The following EFNA3 variants were observed in gnomAD, a reference collection of about 807,000 sequenced individuals.
The protein encoded by EFNA3 is ephrin-A3.
A neutral mutation model predicts 25.0 loss-of-function variants in EFNA3; 15 were observed. That is an observed-to-expected ratio of 0.60 (90% CI 0.40 to 0.92). The LOEUF (loss-of-function observed/expected upper bound fraction) is 0.92, where lower values mean the gene tolerates loss of function less well. Among genes scored for constraint, EFNA3 ranks in the 40% least tolerant of loss-of-function variants. EFNA3 has a pLI of 0.00. For missense variants in EFNA3, 298 were observed against 323.8 expected (o/e 0.92, Z 0.61); for synonymous variants, 153 against 145.6 (o/e 1.05, Z -0.37).
In EFNA3 at chr1:155,086,195, C is replaced by G. The variant is rs1320733004; in HGVS notation, c.576C>G (p.Ile192Met). ...PQFTMGPNVK[I>M]NVLEDFEGEN... ...TCACCATGGGCCCCAATGTGAAGATCAACGTGCTGGGTGAGTCTGCGCAGC... is the reference window on the plus strand; with the variant it reads ...TCACCATGGGCCCCAATGTGAAGATGAACGTGCTGGGTGAGTCTGCGCAGC... The change falls in exon 4 of 5, where the codon ATC becomes ATG. Residue 192 changes from isoleucine (I) to methionine (M), a missense_variant. By Grantham distance (10) the Ile-to-Met change is conservative (BLOSUM62 1). Coordinates refer to ENST00000368408, the MANE Select transcript of EFNA3 (RefSeq NM_004952.5). 1.3e-6 allele frequency: 2 copies of G among 1,599,220 alleles called. No homozygotes were observed. The highest frequency in any genetic ancestry group is 1.7e-6 in the Non-Finnish European group (2 of 1,170,822).
At chr1:155,086,357 C>A in intron 4 of EFNA3, 56 bp from the exon 5 acceptor site, 1 of 1,590,682 alleles carries the variant, frequency 6.3e-7, no homozygotes. Flanking sequence ...TGCCGCGTGC[C>A]CCTGCCCTGG....
rs531547749 is a variant in EFNA3 at position 155,081,285 on chromosome 1, G to A, written c.128+2216G>A. Among the ~76,000 whole-genome samples the A allele has an allele frequency of 6.6e-6, 1 of 152,360 alleles. No individual in the cohort carries two copies. The highest frequency in any genetic ancestry group is 2.1e-4 in the South Asian group (1 of 4,830). On this transcript the variant is annotated intron_variant, in intron 1 of 4. Transcript: ENST00000368408. The surrounding 1 kb of genome is among the most constrained non-coding windows in gnomAD (Gnocchi z 5.2). ...CAATCTGGCCCAGAAACTAGGGATG[G>A]GGGGACTGTATTGGAGCGATGCATT...
chr1:155,079,584 G>A lies in EFNA3; in HGVS notation c.128+515G>A, dbSNP rs1433339217. ...GCGAATGGGTTGTCTTGGTTGTGTG[G>A]ATAAGCCCGGCTAGGGTGAGCTAGG... On this transcript the variant is annotated intron_variant, in intron 1 of 4. Coordinates refer to ENST00000368408, the MANE Select transcript of EFNA3 (RefSeq NM_004952.5). This position sits in a 1 kb window ranked among gnomAD's most constrained non-coding sequence, Gnocchi z 7.7. Among the ~76,000 whole-genome samples the A allele has an allele frequency of 6.6e-6, 1 of 152,136 alleles. No individual in the cohort carries two copies. Among genetic ancestry groups the A allele is most frequent in the Non-Finnish European group, 1.5e-5 (1 of 68,000 alleles).
rs1048298228 is a variant in EFNA3 at position 155,081,099 on chromosome 1, A to C, written c.128+2030A>C. ...CGGAGGGTCTCTGCCCCTTGGGGTC[A>C]CGTGGGGAGGGTCTTGCGACCCCGC... On this transcript the variant is annotated intron_variant, in intron 1 of 4. Coordinates refer to ENST00000368408, the MANE Select transcript of EFNA3 (RefSeq NM_004952.5). The surrounding 1 kb of genome is among the most constrained non-coding windows in gnomAD (Gnocchi z 5.2). Among the ~76,000 whole-genome samples, 1 of 152,138 alleles carries C rather than the reference A, an allele frequency of 6.6e-6. No homozygotes were observed. Among genetic ancestry groups the C allele is most frequent in the Non-Finnish European group, 1.5e-5 (1 of 68,006 alleles).
In EFNA3 at chr1:155,079,955, C is replaced by G. The variant is rs1158383566; in HGVS notation, c.128+886C>G. 6.6e-6 allele frequency among the ~76,000 whole-genome samples: 1 copy of G among 151,922 alleles called. No individual in the cohort carries two copies. Among genetic ancestry groups the G allele is most frequent in the Non-Finnish European group, 1.5e-5 (1 of 67,960 alleles). On this transcript the variant is annotated intron_variant, in intron 1 of 4. Coordinates refer to ENST00000368408, the MANE Select transcript of EFNA3 (RefSeq NM_004952.5). This position sits in a 1 kb window ranked among gnomAD's most constrained non-coding sequence, Gnocchi z 7.7. Reference sequence around the variant, plus strand: ...CGGTCTGGGCGGGTGTCAGGGCGGCCGTGTGGTTTCCCGGGGTGTGTGGCG... The same window carrying G: ...CGGTCTGGGCGGGTGTCAGGGCGGCGGTGTGGTTTCCCGGGGTGTGTGGCG...
intron 1 of EFNA3, among the ~76,000 whole-genome samples, chr1:155,083,703 G>A (rs1223142980): frequency 2.0e-5 from 3 of 152,214 alleles, no homozygotes; most frequent in Non-Finnish European, 4.4e-5. Context: ...GTGTGCAGAA[G>A]CCTCCACGCT....
In EFNA3 at chr1:155,081,106, G is replaced by A. The variant is rs544084836; in HGVS notation, c.128+2037G>A. ...TCTCTGCCCCTTGGGGTCACGTGGG[G>A]AGGGTCTTGCGACCCCGCCTCCTGG... On this transcript the variant is annotated intron_variant, in intron 1 of 4. Transcript: ENST00000368408. The surrounding 1 kb of genome is among the most constrained non-coding windows in gnomAD (Gnocchi z 5.2). Among the ~76,000 whole-genome samples the A allele has an allele frequency of 2.0e-5, 3 of 152,340 alleles. No individual in the cohort carries two copies. The highest frequency in any genetic ancestry group is 2.9e-5 in the Non-Finnish European group (2 of 68,028).
intron 1 of EFNA3, among the ~76,000 whole-genome samples, chr1:155,084,877 GAGA>G (rs1663419119): frequency 6.6e-6 from 1 of 152,228 alleles, no homozygotes; most frequent in Non-Finnish European, 1.5e-5. Flanking sequence ...TGGCCAACAG[GAGA>G]AGGACAGACC....
Position 155,085,674 on chromosome 1 carries a change from G to T in EFNA3, c.443-203G>T. ...GACATTCCGGGGTTGGAACATCAGG[G>T]ATCCCAGTTTCTTGAGGGGTGGGAC... On this transcript the variant is annotated intron_variant, in intron 2 of 4. Coordinates refer to ENST00000368408, the MANE Select transcript of EFNA3 (RefSeq NM_004952.5). The surrounding 1 kb of genome is among the most constrained non-coding windows in gnomAD (Gnocchi z 4.4). The T allele has an allele frequency of 1.4e-6, 1 of 691,794 alleles. No homozygotes were observed. The highest frequency in any genetic ancestry group is 1.8e-5 in the African/African-American group (1 of 55,500). The allele number at this position is 691,794 out of a possible 1,614,324, so 42.9% of individuals were successfully genotyped here.
chr1:155,085,716 G>T lies in EFNA3; in HGVS notation c.443-161G>T. On this transcript the variant is annotated intron_variant, in intron 2 of 4. Transcript: ENST00000368408. The surrounding 1 kb of genome is among the most constrained non-coding windows in gnomAD (Gnocchi z 4.4). ...GGGTGGGACCAAAGGGGCGTCTAGGGCCGACGGCAGAGCTAAAGTGACCCG... is the reference window on the plus strand; with the variant it reads ...GGGTGGGACCAAAGGGGCGTCTAGGTCCGACGGCAGAGCTAAAGTGACCCG... 1.2e-6 allele frequency: 1 copy of T among 837,076 alleles called. No homozygotes were observed. The highest frequency in any genetic ancestry group is 1.9e-6 in the Non-Finnish European group (1 of 536,256). 51.9% of individuals were successfully genotyped at this position (837,076 alleles called of 1,614,324 possible). A position where few individuals can be genotyped will look rare whatever the true frequency, so the allele number is the denominator to read the frequency against.
chr1:155,085,546 C>T lies in EFNA3; in HGVS notation c.442+142C>T. On this transcript the variant is annotated intron_variant, in intron 2 of 4. Transcript: ENST00000368408. This position sits in a 1 kb window ranked among gnomAD's most constrained non-coding sequence, Gnocchi z 4.4. The stretch of plus-strand genomic sequence containing the variant: ...TGAGACCAGGGAGGAGGCGTGGGCA[C>T]GGGACGCCTGAGGGGTTCAGCTCAG... 3.7e-6 allele frequency: 4 copies of T among 1,068,500 alleles called. No homozygotes were observed. The South Asian group carries it at 6.7e-5, about 18-fold the overall frequency. The allele number at this position is 1,068,500 out of a possible 1,614,324, so 66.2% of individuals were successfully genotyped here.
Position 155,078,974 on chromosome 1 carries a change from G to A in EFNA3, c.33G>A (p.Leu11=), listed in dbSNP as rs1293090875. 2 of 1,433,672 alleles carry A rather than the reference G, an allele frequency of 1.4e-6. 1 individual carries two copies. The highest frequency in any genetic ancestry group is 2.9e-5 in the South Asian group (2 of 68,534). The allele number at this position is 1,433,672 out of a possible 1,614,324, so 88.8% of individuals were successfully genotyped here. The change falls in exon 1 of 5, where the codon CTG becomes CTA. Residue 11 remains leucine, a synonymous_variant. Transcript: ENST00000368408. The part of the protein sequence containing the change: MAAAPLLLLL[L]LVPVPLLPLL... ...CGGCTCCGCTGCTGCTGCTGCTGCT[G>A]CTCGTGCCCGTGCCGCTGCTGCCGC... is the stretch of plus-strand genomic sequence containing the variant.
At chr1:155,082,117 C>T (rs561662146) in intron 1 of EFNA3, among the ~76,000 whole-genome samples, 1 of 152,120 alleles carries the variant, frequency 6.6e-6, no homozygotes, top group Non-Finnish European at 1.5e-5. Flanking sequence ...CCGCCGCCCC[C>T]CAGCGTTCCC....
Position 155,080,222 on chromosome 1 carries a change from C to T in EFNA3, c.128+1153C>T, listed in dbSNP as rs1663315080. Reference sequence around the variant, plus strand: ...ACCGACCGACCAGGGAGCAAATGGCCAGACCCCAGGGGAGGGGACCGGGAG... The same window carrying T: ...ACCGACCGACCAGGGAGCAAATGGCTAGACCCCAGGGGAGGGGACCGGGAG... On this transcript the variant is annotated intron_variant, in intron 1 of 4. Transcript: ENST00000368408. This position sits in a 1 kb window ranked among gnomAD's most constrained non-coding sequence, Gnocchi z 7.0. Among the ~76,000 whole-genome samples, 1 of 152,092 alleles carries T rather than the reference C, an allele frequency of 6.6e-6. No individual in the cohort carries two copies. Among genetic ancestry groups the T allele is most frequent in the Non-Finnish European group, 1.5e-5 (1 of 67,992 alleles).
At position 155,085,289 on chromosome 1, in the gene EFNA3, G is replaced by A. The variant is rs1191481105; in HGVS notation, c.327G>A (p.Glu109=). 6.2e-7 allele frequency: 1 copy of A among 1,613,078 alleles called. No homozygotes were observed. Among genetic ancestry groups the A allele is most frequent in the Non-Finnish European group, 8.5e-7 (1 of 1,179,632 alleles). ...CCAGCCAGGGCTTCAAGCGCTGGGA[G>A]TGCAACCGGCCGCACGCCCCGCACA... is the stretch of plus-strand genomic sequence containing the variant. ...CNASQGFKRW[E]CNRPHAPHSP... is the part of the protein sequence containing the mutation. The change falls in exon 2 of 5, where the codon GAG becomes GAA. Residue 109 remains glutamate, a synonymous_variant. Coordinates refer to ENST00000368408, the MANE Select transcript of EFNA3 (RefSeq NM_004952.5). The surrounding 1 kb of genome is among the most constrained non-coding windows in gnomAD (Gnocchi z 4.4).
Position 155,079,043 on chromosome 1 carries a change from G to T in EFNA3, c.102G>T (p.Ala34=). 4 of 1,404,694 alleles carry T rather than the reference G, an allele frequency of 2.8e-6. No individual in the cohort carries two copies. The highest frequency in any genetic ancestry group is 3.7e-6 in the Non-Finnish European group (4 of 1,076,030). 87.0% of individuals were successfully genotyped at this position (1,404,694 alleles called of 1,614,324 possible). The change falls in exon 1 of 5, where the codon GCG becomes GCT. Residue 34 remains alanine, a synonymous_variant. Coordinates refer to ENST00000368408, the MANE Select transcript of EFNA3 (RefSeq NM_004952.5). The surrounding 1 kb of genome is among the most constrained non-coding windows in gnomAD (Gnocchi z 7.7). ...GAGGGGCGCTGGGAAACCGGCATGC[G>T]GTGTACTGGAACAGCTCCAACCAGC... ...GPGGALGNRH[A]VYWNSSNQHL... is the part of the protein sequence containing the mutation.
Position 155,079,493 on chromosome 1 carries a change from C to T in EFNA3, c.128+424C>T, listed in dbSNP as rs1439056196. Among the ~76,000 whole-genome samples the T allele has an allele frequency of 1.3e-5, 2 of 152,128 alleles. No homozygotes were observed. Among genetic ancestry groups the T allele is most frequent in the Non-Finnish European group, 2.9e-5 (2 of 68,006 alleles). ...CTTCCAGGGGTTCTGTCTAGGACTC[C>T]TGCTTTTAAAAGTGGGGTCCAGAGC... On this transcript the variant is annotated intron_variant, in intron 1 of 4. Coordinates refer to ENST00000368408, the MANE Select transcript of EFNA3 (RefSeq NM_004952.5). The surrounding 1 kb of genome is among the most constrained non-coding windows in gnomAD (Gnocchi z 7.7).
Position 155,079,112 on chromosome 1 carries a change from A to G in EFNA3, c.128+43A>G. The stretch of plus-strand genomic sequence containing the variant: ...GGAGTCCGCGCGTCCCGTCTCAGTG[A>G]GAGGGGGAGCCGGTGGGCCCGAGAA... On this transcript the variant is annotated intron_variant, in intron 1 of 4. Coordinates refer to ENST00000368408, the MANE Select transcript of EFNA3 (RefSeq NM_004952.5). The surrounding 1 kb of genome is among the most constrained non-coding windows in gnomAD (Gnocchi z 7.7). 7.8e-7 allele frequency: 1 copy of G among 1,278,166 alleles called. No homozygotes were observed. Among genetic ancestry groups the G allele is most frequent in the Non-Finnish European group, 1.0e-6 (1 of 1,003,378 alleles). The allele number at this position is 1,278,166 out of a possible 1,614,324, so 79.2% of individuals were successfully genotyped here. A position where few individuals can be genotyped will look rare whatever the true frequency, so the allele number is the denominator to read the frequency against.
chr1:155,079,076 CG>C lies in EFNA3; in HGVS notation c.128+11del. The C allele has an allele frequency of 7.6e-7, 1 of 1,323,782 alleles. No homozygotes were observed. The highest frequency in any genetic ancestry group is 9.7e-7 in the Non-Finnish European group (1 of 1,029,258). The allele number at this position is 1,323,782 out of a possible 1,614,324, so 82.0% of individuals were successfully genotyped here. A position where few individuals can be genotyped will look rare whatever the true frequency, so the allele number is the denominator to read the frequency against. ...GGAACAGCTCCAACCAGCAGTGAGTCGGGGACCCTGGGAGTCCGCGCGTCCC... is the reference window on the plus strand; with the variant it reads ...GGAACAGCTCCAACCAGCAGTGAGTCGGGACCCTGGGAGTCCGCGCGTCCC... On this transcript the variant is annotated splice_region_variant and intron_variant, in intron 1 of 4. Transcript: ENST00000368408. The surrounding 1 kb of genome is among the most constrained non-coding windows in gnomAD (Gnocchi z 7.7).
Sources: allele counts gnomAD v4.1 joint callset (sites outside exome capture counted in the v4.1 genomes callset), GRCh38; gene constraint gnomAD v4.1.1; non-coding constraint Gnocchi (gnomAD v3.1); transcripts MANE v1.5; gene names NCBI Gene and HGNC (gene_info 2026-07-23, HGNC 2026-07-21).